Variants in WDR17 observed in about 807,000 individuals in gnomAD.
The protein encoded by WDR17 is WD repeat-containing protein 17.
Under a neutral mutation model 161.7 loss-of-function variants are expected in WDR17, and 143 were observed. The ratio of observed to expected loss-of-function variants is 0.88; its 90% CI spans 0.77 to 1.02. The LOEUF (loss-of-function observed/expected upper bound fraction) is 1.02. WDR17 is among the 50% of genes least tolerant of loss of function. The pLI is 0.00. For synonymous variants in WDR17, 517 were observed against 515.6 expected, an observed-to-expected ratio of 1.00 and a Z score of -0.04; for missense variants, 1,469 against 1,520.9, an observed-to-expected ratio of 0.97 and a Z score of 0.57.
At chr4:176,100,622 C>T (rs1561097665) in intron 1 of WDR17, among the ~76,000 whole-genome samples, 1 of 151,992 alleles carries the variant, frequency 6.6e-6, no homozygotes, top group Non-Finnish European at 1.5e-5. Context: ...GTTTTTGCTG[C>T]CTGTGCTTTT....
Position 176,072,402 on chromosome 4 carries a change from T to A in WDR17, c.-7+6323T>A, listed in dbSNP as rs1733358774. Among the ~76,000 whole-genome samples, 3 of 152,214 alleles carry A rather than the reference T, an allele frequency of 2.0e-5. No individual in the cohort carries two copies. The South Asian group carries it at 6.2e-4, about 31-fold the overall frequency. ...CTCCAAGGTTCTCATTTGTTGGAGTTGGGATGTGATTCACAAGTCTGCATT... is the reference window on the plus strand; with the variant it reads ...CTCCAAGGTTCTCATTTGTTGGAGTAGGGATGTGATTCACAAGTCTGCATT... On this transcript the variant is annotated intron_variant, in intron 1 of 28. Coordinates refer to ENST00000508596, the MANE Select transcript of WDR17 (RefSeq NM_181265.4).
chr4:176,171,775 T>TA (rs1368416108), intron 23 of WDR17, among the ~76,000 whole-genome samples: 1 of 141,356 alleles, frequency 7.1e-6, no homozygotes, highest in Admixed American at 6.8e-5. Context: ...AGAAAAAGAT[T>TA]TTTTTTTAAT....
intron 17 of WDR17, among the ~76,000 whole-genome samples, chr4:176,152,595 C>CAA (rs34451055): frequency 1.3e-4 from 5 of 37,238 alleles, no homozygotes; most frequent in East Asian, 1.1e-3. Context: ...AACTCCATCT[C>CAA]AAAAAAAAAA....
At chr4:176,120,288 T>TATATATATATA (rs1174111501) in intron 4 of WDR17, among the ~76,000 whole-genome samples, 191 bp downstream of exon 4, 10 of 136,534 alleles carry the variant, frequency 7.3e-5, no homozygotes, top group African/African-American at 2.8e-4. Context: ...ATTTGAAGTT[T>TATATATATATA]TATATATATA....
rs995441678 is a variant in WDR17 at position 176,177,471 on chromosome 4, A to G, written c.3549A>G (p.Arg1183=). 6.5e-7 allele frequency: 1 copy of G among 1,536,804 alleles called. No individual in the cohort carries two copies. The highest frequency in any genetic ancestry group is 1.4e-5 in the African/African-American group (1 of 71,468). ...ATTTTGATATCTGTTGAAAATATAGATCATTAGAAGACTCTCCGTATACAC... is the reference window on the plus strand; with the variant it reads ...ATTTTGATATCTGTTGAAAATATAGGTCATTAGAAGACTCTCCGTATACAC... ...AWRACTQSTN[R]SLEDSPYTPP... The change falls in exon 28 of 29, where the codon AGA becomes AGG. Residue 1183 remains arginine (R), a splice_region_variant and synonymous_variant. Transcript: ENST00000508596.
At chr4:176,088,951 G>T (rs1735762921) in intron 1 of WDR17, among the ~76,000 whole-genome samples, 1 of 152,058 alleles carries the variant, frequency 6.6e-6, no homozygotes, top group South Asian at 2.1e-4. Flanking sequence ...GGTTGGGGTT[G>T]GTAGACAGAA....
intron 17 of WDR17, among the ~76,000 whole-genome samples, chr4:176,155,716 A>AAAATATATATATATAT (rs1554033763): frequency 5.0e-4 from 65 of 130,292 alleles, no homozygotes; most frequent in African/African-American, 1.6e-3. Flanking sequence ...GACTAATTAA[A>AAAATATATATATATAT]ATATATATAT....
chr4:176,074,487 C>G (rs1386685077), intron 1 of WDR17, among the ~76,000 whole-genome samples: 1 of 151,802 alleles, frequency 6.6e-6, no homozygotes, highest in Non-Finnish European at 1.5e-5. Context: ...GACAGAGTCT[C>G]ACTTTGTCAT....
chr4:176,145,217 C>T (rs959565710), intron 11 of WDR17, among the ~76,000 whole-genome samples: 7 of 151,856 alleles, frequency 4.6e-5, no homozygotes, highest in Admixed American at 3.9e-4. Context: ...ATAGACTATT[C>T]TGGCAGGTCC....
In WDR17 at chr4:176,177,481, G is replaced by T; in HGVS notation, c.3559G>T (p.Asp1187Tyr). The change falls in exon 28 of 29, where the codon GAC (aspartate) becomes TAC (tyrosine). Residue 1187 changes from aspartate to tyrosine, a missense_variant. By Grantham distance (160) the Asp-to-Tyr change is radical. Coordinates refer to ENST00000508596, the MANE Select transcript of WDR17 (RefSeq NM_181265.4). ...CTGTTGAAAATATAGATCATTAGAA[G>T]ACTCTCCGTATACACCCCCTTCTGA... ...CTQSTNRSLEDSPYTPPSDSQ... is the reference protein window; with the variant it reads ...CTQSTNRSLEYSPYTPPSDSQ... The T allele has an allele frequency of 6.4e-7, 1 of 1,552,196 alleles. No individual in the cohort carries two copies. Among genetic ancestry groups the T allele is most frequent in the East Asian group, 2.3e-5 (1 of 43,800 alleles).
chr4:176,069,012 A>G (rs971782784), intron 1 of WDR17, among the ~76,000 whole-genome samples: 1 of 152,210 alleles, frequency 6.6e-6, no homozygotes, highest in African/African-American at 2.4e-5. Flanking sequence ...AAAAATTCCC[A>G]TCACGATTAA....
chr4:176,080,278 T>C (rs11734650), intron 1 of WDR17, among the ~76,000 whole-genome samples: 39,147 of 151,282 alleles, frequency 0.26, 5,873 homozygotes, highest in Admixed American at 0.43. Context: ...TAAATATGAA[T>C]TAGACTCAAG....
chr4:176,138,719 G>A (rs769358537), intron 9 of WDR17, among the ~76,000 whole-genome samples: 4 of 151,704 alleles, frequency 2.6e-5, no homozygotes, highest in Admixed American at 6.6e-5. Context: ...TGGCAACTTG[G>A]AATCTCACAT....
rs1322462454 is a variant in WDR17, at chr4:176,181,251, G to C, written c.*1672G>C. The C allele has an allele frequency of 1.3e-5, 2 of 151,726 alleles. No homozygotes were observed. The highest frequency in any genetic ancestry group is 2.9e-5 in the Non-Finnish European group (2 of 68,050). The allele number at this position is 151,726 out of a possible 1,614,324, so 9.4% of individuals were successfully genotyped here. A position where few individuals can be genotyped will look rare whatever the true frequency, so the allele number is the denominator to read the frequency against. The stretch of plus-strand genomic sequence containing the variant: ...CAGGAGGCCGAGATGGGCAGATCTT[G>C]AGGTCGGTAGATGGAGACCATCCTG... On this transcript the variant is annotated 3_prime_UTR_variant, in exon 29 of 29. Transcript: ENST00000508596.
intron 4 of WDR17, 31 bp downstream of exon 4, chr4:176,120,128 T>A (rs748018958): frequency 6.6e-6 from 10 of 1,525,350 alleles, no homozygotes; most frequent in Admixed American, 1.9e-5. Context: ...GTATCTTAAA[T>A]AGTATATTTT....
In WDR17 at chr4:176,084,788, A is replaced by AATAT. The variant is rs966241567; in HGVS notation, c.-7+18721_-7+18724dup. On this transcript the variant is annotated intron_variant, in intron 1 of 28. Coordinates refer to ENST00000508596, the MANE Select transcript of WDR17 (RefSeq NM_181265.4). ...TATTATATATTATATATATATATAAAATATATATATATATACACACATGCT... is the reference window on the plus strand; with the variant it reads ...TATTATATATTATATATATATATAAAATATATATATATATATATACACACATGCT... 3.7e-3 allele frequency among the ~76,000 whole-genome samples: 544 copies of AATAT among 146,010 alleles called. 3 individuals carry two copies. Among genetic ancestry groups the AATAT allele is most frequent in the African/African-American group, 0.013 (508 of 40,268 alleles).
At chr4:176,134,595 G>C (rs577180279) in intron 7 of WDR17, among the ~76,000 whole-genome samples, 39 of 151,826 alleles carry the variant, frequency 2.6e-4, no homozygotes, top group African/African-American at 9.1e-4. Flanking sequence ...AACAATTGGG[G>C]TTATGCCTGA....
chr4:176,091,650 T>A (rs1736136557), intron 1 of WDR17, among the ~76,000 whole-genome samples: 1 of 151,822 alleles, frequency 6.6e-6, no homozygotes, highest in Non-Finnish European at 1.5e-5. Flanking sequence ...AGAGCAGAAA[T>A]AAATGAAATT....
At chr4:176,178,089 T>C (rs1355580028) in intron 28 of WDR17, among the ~76,000 whole-genome samples, 2 of 147,404 alleles carry the variant, frequency 1.4e-5, no homozygotes, top group Non-Finnish European at 3.0e-5. Flanking sequence ...GTATTTCTAA[T>C]GTAATGTGAA....
Sources: gnomAD v4.1 joint callset for allele counts (sites outside exome capture counted in the v4.1 genomes callset) on GRCh38, gnomAD v4.1.1 for gene constraint, MANE v1.5 for transcripts, NCBI Gene and HGNC (gene_info 2026-07-23, HGNC 2026-07-21) for gene names.